The following GRM5 variants were observed in gnomAD, a reference collection of about 807,000 sequenced individuals.
The protein encoded by GRM5 is glutamate metabotropic receptor 5, also known as metabotropic glutamate receptor 5.
A neutral mutation model predicts 83.1 loss-of-function variants in GRM5; 19 were observed. The observed-to-expected ratio is 0.23, with a 90% confidence interval of 0.16 to 0.34. The LOEUF (loss-of-function observed/expected upper bound fraction) is 0.34. Ranked by LOEUF, GRM5 falls within the 10% of genes least tolerant of loss-of-function variation. The pLI is 1.00. For synonymous variants in GRM5, 675 were observed against 633.6 expected (o/e 1.07, Z -0.98); for missense variants, 1,160 against 1,588.3 (o/e 0.73, Z 4.58).
At chr11:88,996,798 T>C (rs567836350) in intron 2 of GRM5, among the ~76,000 whole-genome samples, 1 of 152,350 alleles carries the variant, frequency 6.6e-6, no homozygotes, top group South Asian at 2.1e-4. Flanking sequence ...GCAGAATGTG[T>C]TGTTTGACCA....
chr11:88,940,133 T>C (rs1161875591), intron 2 of GRM5, among the ~76,000 whole-genome samples: 2 of 151,900 alleles, frequency 1.3e-5, no homozygotes, highest in Non-Finnish European at 2.9e-5. Context: ...CCTGCCCAAA[T>C]GAATCAGATT....
chr11:89,015,452 T>C (rs1565336438), intron 2 of GRM5, among the ~76,000 whole-genome samples: 2 of 152,162 alleles, frequency 1.3e-5, no homozygotes, highest in African/African-American at 4.8e-5. Context: ...AATCAATGGG[T>C]GTCTGTTGGC....
intron 2 of GRM5, among the ~76,000 whole-genome samples, chr11:89,000,372 G>A (rs1565329275): frequency 1.3e-5 from 2 of 152,084 alleles, no homozygotes; most frequent in South Asian, 2.1e-4. Context: ...AACAGACACA[G>A]GTCAATGGAA....
At chr11:88,781,847 G>A (rs72643321) in intron 3 of GRM5, among the ~76,000 whole-genome samples, 17,181 of 152,168 alleles carry the variant, frequency 0.11, 2,134 homozygotes, top group African/African-American at 0.31. Context: ...ATCCCATGCT[G>A]AGCAGAAGAA....
At chr11:88,540,762 A>T (rs1214331144) in intron 8 of GRM5, among the ~76,000 whole-genome samples, 3 of 151,622 alleles carry the variant, frequency 2.0e-5, no homozygotes, top group African/African-American at 7.3e-5. Flanking sequence ...TTTTTTTGAG[A>T]CAGAGTCTCG....
At chr11:88,782,946 A>T (rs1306611792) in intron 3 of GRM5, among the ~76,000 whole-genome samples, 1 of 152,112 alleles carries the variant, frequency 6.6e-6, no homozygotes, top group African/African-American at 2.4e-5. Flanking sequence ...GTTAAAAATT[A>T]ATATTGTTTC....
At chr11:88,830,339 A>G (rs1943966240) in intron 3 of GRM5, among the ~76,000 whole-genome samples, 1 of 144,472 alleles carries the variant, frequency 6.9e-6, no homozygotes, top group African/African-American at 2.9e-5. Flanking sequence ...ATTTAAAATA[A>G]AAGTGAGAGA....
chr11:88,915,599 A>C (rs2135618675), intron 2 of GRM5, among the ~76,000 whole-genome samples: 1 of 152,040 alleles, frequency 6.6e-6, no homozygotes, highest in African/African-American at 2.4e-5. Context: ...TATTATTAAT[A>C]TATAATGCAT....
intron 3 of GRM5, among the ~76,000 whole-genome samples, chr11:88,811,145 G>C (rs1943582462): frequency 6.6e-6 from 1 of 151,982 alleles, no homozygotes; most frequent in Non-Finnish European, 1.5e-5. Flanking sequence ...ACAACACTGG[G>C]GGGTGGATCA....
intron 3 of GRM5, among the ~76,000 whole-genome samples, chr11:88,796,680 A>G (rs1943281087): frequency 6.6e-6 from 1 of 152,102 alleles, no homozygotes; most frequent in African/African-American, 2.4e-5. Context: ...TGCATTATAT[A>G]TGTCTTATAA....
intron 2 of GRM5, among the ~76,000 whole-genome samples, chr11:88,881,951 T>A (rs541746257): frequency 4.1e-4 from 62 of 152,132 alleles, no homozygotes; most frequent in Non-Finnish European, 7.5e-4. Flanking sequence ...CAAATCAGAA[T>A]TGATGGAATG....
At chr11:88,963,418 G>C (rs1244295568) in intron 2 of GRM5, among the ~76,000 whole-genome samples, 1 of 152,102 alleles carries the variant, frequency 6.6e-6, no homozygotes, top group East Asian at 1.9e-4. Context: ...TGTTAGTTTT[G>C]ATCACTGAAT....
At position 88,728,189 on chromosome 11, in the gene GRM5, G is replaced by A. The variant is rs1941724790; in HGVS notation, c.912-74786C>T. ...TAGACTCAATAGAAAATGATAAAGG[G>A]GATATCACCACTAATCCCACAGAAA... On this transcript the variant is annotated intron_variant, in intron 3 of 9. Transcript: ENST00000305447. 2.6e-5 allele frequency among the ~76,000 whole-genome samples: 4 copies of A among 151,646 alleles called. No homozygotes were observed. The South Asian group carries it at 8.4e-4, about 32-fold the overall frequency.
intron 3 of GRM5, among the ~76,000 whole-genome samples, chr11:88,846,575 G>T (rs182597371): frequency 3.3e-5 from 5 of 152,186 alleles, no homozygotes; most frequent in Admixed American, 2.6e-4. Flanking sequence ...AAGCACTTAA[G>T]TTGAACGACC....
intron 4 of GRM5, among the ~76,000 whole-genome samples, chr11:88,605,356 T>C (rs1938112182): frequency 1.3e-5 from 2 of 151,534 alleles, no homozygotes; most frequent in Admixed American, 1.3e-4. Flanking sequence ...AAACCTCCAG[T>C]TTCTAAACTA....
chr11:88,693,105 A>C (rs1159122990), intron 3 of GRM5, among the ~76,000 whole-genome samples: 3 of 152,068 alleles, frequency 2.0e-5, no homozygotes, highest in African/African-American at 4.8e-5. Flanking sequence ...TTAAAGCTAT[A>C]CACGAAGATT....
intron 3 of GRM5, among the ~76,000 whole-genome samples, chr11:88,745,905 T>A (rs1243192928): frequency 6.6e-6 from 1 of 152,202 alleles, no homozygotes; most frequent in Non-Finnish European, 1.5e-5. Flanking sequence ...ATCTACTACT[T>A]AAGTGACCTT....
In GRM5 at chr11:88,597,494, C is replaced by CA. The variant is rs150350716; in HGVS notation, c.1395-143dup. On this transcript the variant is annotated intron_variant, in intron 5 of 9. Coordinates refer to ENST00000305447, the MANE Select transcript of GRM5 (RefSeq NM_001143831.3). ...TTCCATGACAGTACACTTAGAATAA[C>CA]AAAAAAAATCTGTCTATTTTACTTT... The CA allele has an allele frequency of 9.1e-3, 4,653 of 510,972 alleles. 160 individuals are homozygous for CA. The highest frequency in any genetic ancestry group is 0.079 in the African/African-American group (4,045 of 51,024). The allele number at this position is 510,972 out of a possible 1,614,324, so 31.7% of individuals were successfully genotyped here. A position where few individuals can be genotyped will look rare whatever the true frequency, so the allele number is the denominator to read the frequency against.
At chr11:88,529,814 G>A (rs913288863) in intron 8 of GRM5, among the ~76,000 whole-genome samples, 2 of 151,988 alleles carry the variant, frequency 1.3e-5, no homozygotes, top group East Asian at 1.9e-4. Flanking sequence ...ATTGGATGAT[G>A]AGTATAATAG....
Sources: allele counts gnomAD v4.1 joint callset (sites outside exome capture counted in the v4.1 genomes callset), GRCh38; gene constraint gnomAD v4.1.1; transcripts MANE v1.5; gene names NCBI Gene and HGNC (gene_info 2026-07-23, HGNC 2026-07-21).